EYA2: variants seen among roughly 807,000 people sequenced by gnomAD.
The protein encoded by EYA2 is EYA transcriptional coactivator and phosphatase 2.
EYA2 carries 31 observed loss-of-function variants against 69.2 expected under a neutral mutation model. The ratio of observed to expected loss-of-function variants is 0.45; its 90% CI spans 0.34 to 0.60. The LOEUF (loss-of-function observed/expected upper bound fraction) is 0.60, where lower values mean the gene tolerates loss of function less well. EYA2 is among the 20% of genes least tolerant of loss of function. The probability of loss-of-function intolerance (pLI) is 0.02; values close to 1 mark genes in which losing one functional copy is unlikely to be tolerated. For synonymous variants in EYA2, 257 were observed against 279.4 expected (o/e 0.92, Z 0.80); for missense variants, 622 against 701.2 (o/e 0.89, Z 1.28).
chr20:46,922,253 C>G (rs1390115972), intron 1 of EYA2, among the ~76,000 whole-genome samples: 3 of 152,138 alleles, frequency 2.0e-5, no homozygotes, highest in Non-Finnish European at 4.4e-5. Context: ...AGAGAAAACT[C>G]TTAACTACAT....
intron 5 of EYA2, among the ~76,000 whole-genome samples, chr20:47,027,968 G>A (rs931407487): frequency 6.6e-6 from 1 of 152,222 alleles, no homozygotes; most frequent in South Asian, 2.1e-4. Context: ...AAATTCATAT[G>A]TTGAAGCTGT....
intron 12 of EYA2, among the ~76,000 whole-genome samples, chr20:47,173,583 A>T (rs2034373074): frequency 6.8e-6 from 1 of 147,944 alleles, no homozygotes; most frequent in South Asian, 2.1e-4. Context: ...AATCTGCTTT[A>T]AAAAATTTTT....
chr20:46,984,730 G>A (rs1004646105), intron 1 of EYA2, among the ~76,000 whole-genome samples: 15 of 152,112 alleles, frequency 9.9e-5, no homozygotes, highest in Non-Finnish European at 1.9e-4. Context: ...CCTCCACCTT[G>A]GCTATAAATA....
chr20:47,091,080 A>G (rs1480301050), intron 8 of EYA2, among the ~76,000 whole-genome samples: 1 of 152,216 alleles, frequency 6.6e-6, no homozygotes, highest in Non-Finnish European at 1.5e-5. Flanking sequence ...GGCAGCTGCA[A>G]TGCTCAGCCA....
intron 1 of EYA2, among the ~76,000 whole-genome samples, chr20:46,956,179 T>C (rs1351288789): frequency 6.6e-6 from 1 of 152,240 alleles, no homozygotes. Context: ...AATCACTGAT[T>C]GTTTTTTAAA....
intron 1 of EYA2, among the ~76,000 whole-genome samples, chr20:46,944,433 C>T (rs1209330): frequency 6.6e-6 from 1 of 151,890 alleles, no homozygotes. Context: ...TCAGATTGTT[C>T]GGATGAGCAG....
Position 46,996,627 on chromosome 20 carries a change from G to A in EYA2, c.110-4801G>A, listed in dbSNP as rs758035578. The stretch of plus-strand genomic sequence containing the variant: ...ATCCATCTCACTCACTAGACAGGAG[G>A]CTTCGGGTCCATAAAGACAGGGACC... On this transcript the variant is annotated intron_variant, in intron 2 of 15. Transcript: ENST00000327619. 4.9e-4 allele frequency among the ~76,000 whole-genome samples: 74 copies of A among 152,264 alleles called. No individual in the cohort carries two copies. In the Middle Eastern group the frequency reaches 0.017, roughly 35 times the overall value.
At chr20:46,902,777 C>G (rs754166916) in intron 1 of EYA2, among the ~76,000 whole-genome samples, 1 of 152,192 alleles carries the variant, frequency 6.6e-6, no homozygotes, top group South Asian at 2.1e-4. Context: ...TGGAAATGGT[C>G]GTAGCATCAC....
chr20:47,077,130 AC>A lies in EYA2; in HGVS notation c.661+2796del, dbSNP rs561856656. Among the ~76,000 whole-genome samples the A allele has an allele frequency of 8.5e-5, 13 of 152,324 alleles. No individual in the cohort carries two copies. The East Asian group carries it at 1.9e-3, about 23-fold the overall frequency. ...ACCTCAAAAAACCTAGAGCATTGTA[AC>A]TACAAGAAGACAGAAGAGACAATGG... On this transcript the variant is annotated intron_variant, in intron 7 of 15. Transcript: ENST00000327619.
At chr20:47,172,906 C>CT in intron 12 of EYA2, 39 bp downstream of exon 12, 2 of 1,578,160 alleles carry the variant, frequency 1.3e-6, no homozygotes, top group Middle Eastern at 1.7e-4. Context: ...GGAAGGGAAA[C>CT]TCATTGGGAT....
intron 6 of EYA2, among the ~76,000 whole-genome samples, chr20:47,072,909 A>G (rs535446514): frequency 1.3e-5 from 2 of 152,374 alleles, no homozygotes; most frequent in African/African-American, 4.8e-5. Context: ...AATATTTAAC[A>G]TATTTAGATC....
At chr20:47,064,075 C>T (rs1354542339) in intron 5 of EYA2, among the ~76,000 whole-genome samples, 2 of 152,296 alleles carry the variant, frequency 1.3e-5, no homozygotes, top group South Asian at 4.1e-4. Context: ...CCTACCACAG[C>T]CTCCAGAAGA....
At chr20:47,175,468 T>C (rs922950810) in intron 12 of EYA2, among the ~76,000 whole-genome samples, 4 of 152,046 alleles carry the variant, frequency 2.6e-5, no homozygotes, top group African/African-American at 9.7e-5. Flanking sequence ...ATGGGGCCAG[T>C]GATGCTGCCC....
intron 4 of EYA2, among the ~76,000 whole-genome samples, chr20:47,005,761 C>G (rs192349464): frequency 1.3e-5 from 2 of 152,324 alleles, no homozygotes; most frequent in African/African-American, 4.8e-5. Context: ...AACAACAGAC[C>G]TCCAGCCCTT....
intron 10 of EYA2, among the ~76,000 whole-genome samples, chr20:47,145,441 C>G (rs974280258): frequency 6.6e-5 from 10 of 152,096 alleles, no homozygotes; most frequent in African/African-American, 2.4e-4. Flanking sequence ...TGGAGGTGGC[C>G]AGGATAGATG....
chr20:47,056,914 G>C (rs775215548), intron 5 of EYA2, among the ~76,000 whole-genome samples: 2 of 151,976 alleles, frequency 1.3e-5, no homozygotes, highest in African/African-American at 4.8e-5. Flanking sequence ...GTGTGGTGGT[G>C]CACACCTGTA....
intron 10 of EYA2, among the ~76,000 whole-genome samples, chr20:47,167,280 C>CTTTTTTTT (rs11470455): frequency 3.6e-5 from 4 of 111,722 alleles, no homozygotes; most frequent in Non-Finnish European, 5.2e-5. Context: ...GGTTTTTTTA[C>CTTTTTTTT]TTTTTTTTTT....
chr20:46,951,149 C>T (rs983209062), intron 1 of EYA2, among the ~76,000 whole-genome samples: 3 of 152,170 alleles, frequency 2.0e-5, no homozygotes, highest in Non-Finnish European at 2.9e-5. Context: ...GCATCAGCCA[C>T]GCAGGGCACA....
intron 15 of EYA2, among the ~76,000 whole-genome samples, chr20:47,186,928 A>G (rs898682821): frequency 1.3e-5 from 2 of 151,992 alleles, no homozygotes; most frequent in South Asian, 4.1e-4. Context: ...TTTCCTATTT[A>G]CCTAGATATG....
Sources: allele counts gnomAD v4.1 joint callset (sites outside exome capture counted in the v4.1 genomes callset), GRCh38; gene constraint gnomAD v4.1.1; transcripts MANE v1.5; gene names NCBI Gene and HGNC (gene_info 2026-07-23, HGNC 2026-07-21).